LMNTD1: variants seen among roughly 807,000 people sequenced by gnomAD.
The protein encoded by LMNTD1 is lamin tail domain containing 1.
LMNTD1 carries 35 observed loss-of-function variants against 50.9 expected under a neutral mutation model. The observed-to-expected ratio is 0.69, with a 90% confidence interval of 0.53 to 0.91. The LOEUF (loss-of-function observed/expected upper bound fraction) is 0.91. LMNTD1 is among the 40% of genes least tolerant of loss of function. LMNTD1 has a pLI of 0.00. For synonymous variants in LMNTD1, 153 were observed against 161.9 expected (o/e 0.94, Z 0.42); for missense variants, 470 against 475.5 (o/e 0.99, Z 0.11).
intron 3 of LMNTD1, among the ~76,000 whole-genome samples, chr12:25,548,897 T>C (rs561674559): frequency 6.6e-6 from 1 of 152,138 alleles, no homozygotes; most frequent in Non-Finnish European, 1.5e-5. Context: ...CTTCTTTGTC[T>C]CATCTACCTG....
chr12:25,537,581 A>G (rs1942700124), intron 4 of LMNTD1, among the ~76,000 whole-genome samples: 1 of 152,034 alleles, frequency 6.6e-6, no homozygotes, highest in South Asian at 2.1e-4. Flanking sequence ...GTACATCACC[A>G]TCATCAAAGA....
intron 7 of LMNTD1, among the ~76,000 whole-genome samples, chr12:25,519,511 CG>C (rs1413299461): frequency 6.8e-6 from 1 of 147,620 alleles, no homozygotes; most frequent in Non-Finnish European, 1.5e-5. Flanking sequence ...TGGCGTGAAC[CG>C]GCAGGGCGGA....
At chr12:25,517,028 G>C (rs1940839725) in intron 8 of LMNTD1, among the ~76,000 whole-genome samples, 1 of 133,294 alleles carries the variant, frequency 7.5e-6, no homozygotes, top group African/African-American at 2.7e-5. Flanking sequence ...ACACCAGTTA[G>C]AATGGCAATC....
intron 1 of LMNTD1, among the ~76,000 whole-genome samples, chr12:25,578,100 C>T (rs1374952342): frequency 1.3e-5 from 2 of 152,166 alleles, no homozygotes; most frequent in Admixed American, 1.3e-4. Context: ...GGAAGCAGCT[C>T]ATTCATCTAA....
intron 1 of LMNTD1, among the ~76,000 whole-genome samples, chr12:25,628,331 A>G (rs1214067108): frequency 1.3e-5 from 2 of 152,038 alleles, no homozygotes; most frequent in Non-Finnish European, 2.9e-5. Flanking sequence ...TCATTCAACT[A>G]TATCCCAAAA....
At chr12:25,560,939 T>C (rs1944279214) in intron 1 of LMNTD1, among the ~76,000 whole-genome samples, 1 of 152,256 alleles carries the variant, frequency 6.6e-6, no homozygotes, top group African/African-American at 2.4e-5. Context: ...TGGCCTGAGA[T>C]GATGGGGTTT....
chr12:25,519,706 C>CAA (rs1383816328), intron 7 of LMNTD1, 152 bp downstream of exon 7: 8 of 581,980 alleles, frequency 1.4e-5, no homozygotes, highest in Middle Eastern at 4.6e-4. Flanking sequence ...TCGTGCTTTT[C>CAA]CTATGAGTTC....
intron 1 of LMNTD1, among the ~76,000 whole-genome samples, chr12:25,567,378 A>G (rs1317490926): frequency 2.0e-5 from 3 of 152,232 alleles, no homozygotes; most frequent in African/African-American, 7.2e-5. Flanking sequence ...CATACTCAAT[A>G]GTGAGTAAAT....
At chr12:25,484,238 A>G (rs1267087053) in intron 9 of LMNTD1, among the ~76,000 whole-genome samples, 1 of 151,982 alleles carries the variant, frequency 6.6e-6, no homozygotes, top group Non-Finnish European at 1.5e-5. Flanking sequence ...TTGCATGAAT[A>G]TGCTTCTTGA....
chr12:25,537,751 G>A (rs1168591096), intron 4 of LMNTD1, among the ~76,000 whole-genome samples: 1 of 152,190 alleles, frequency 6.6e-6, no homozygotes, highest in African/African-American at 2.4e-5. Context: ...GAGAGAAGAA[G>A]GCTTCAGATG....
intron 3 of LMNTD1, chr12:25,547,103 T>C (rs1196860489): frequency 7.0e-6 from 2 of 285,902 alleles, no homozygotes; most frequent in Non-Finnish European, 1.1e-5. Flanking sequence ...CAGTGTCCTA[T>C]TAGAAGTTTG....
intron 1 of LMNTD1, among the ~76,000 whole-genome samples, chr12:25,606,801 G>A (rs1054494158): frequency 1.3e-5 from 2 of 151,962 alleles, no homozygotes; most frequent in African/African-American, 2.4e-5. Context: ...CTCTTTTTTT[G>A]TTGTGTCTCT....
rs778399787 is a variant in LMNTD1 at position 25,519,999 on chromosome 12, C to T, written c.875G>A (p.Cys292Tyr). ...KLDADVEFNR[C>Y]SVVSPTFRKR... is the part of the protein sequence containing the mutation. Reference sequence around the variant, plus strand: ...TCGGAATGTTGGAGATACTACTGAACATCTGTTAAATTCAACGTCAGCATC... The same window carrying T: ...TCGGAATGTTGGAGATACTACTGAATATCTGTTAAATTCAACGTCAGCATC... The change falls in exon 7 of 10, where the codon TGT (cysteine) becomes TAT (tyrosine). Residue 292 changes from cysteine (C) to tyrosine (Y), a missense_variant. Cys to Tyr is a radical substitution (Grantham distance 194, BLOSUM62 -2). Coordinates refer to ENST00000458174, the MANE Select transcript of LMNTD1 (RefSeq NM_001145728.2). 1.3e-5 allele frequency: 21 copies of T among 1,613,710 alleles called. 1 individual carries two copies. In the South Asian group the frequency reaches 2.1e-4, roughly 16 times the overall value.
chr12:25,494,474 G>C (rs1938993537), intron 9 of LMNTD1, among the ~76,000 whole-genome samples: 1 of 152,006 alleles, frequency 6.6e-6, no homozygotes, highest in Non-Finnish European at 1.5e-5. Flanking sequence ...ACTATCGTTG[G>C]CCTACGAAAA....
At chr12:25,563,366 C>G (rs1944417560) in intron 1 of LMNTD1, among the ~76,000 whole-genome samples, 1 of 152,220 alleles carries the variant, frequency 6.6e-6, no homozygotes, top group Admixed American at 6.5e-5. Context: ...TTCTAACAGT[C>G]AGGACTCTCA....
At chr12:25,609,986 G>T (rs975738356) in intron 1 of LMNTD1, among the ~76,000 whole-genome samples, 2 of 152,200 alleles carry the variant, frequency 1.3e-5, no homozygotes, top group African/African-American at 4.8e-5. Flanking sequence ...TAGTTGAGCT[G>T]CAGTGGGCCC....
At chr12:25,513,865 A>C (rs1289474209) in intron 8 of LMNTD1, among the ~76,000 whole-genome samples, 1 of 152,228 alleles carries the variant, frequency 6.6e-6, no homozygotes, top group Non-Finnish European at 1.5e-5. Flanking sequence ...AACGATATAC[A>C]AGAATTTTAT....
At chr12:25,480,403 G>T (rs1481075849) in intron 9 of LMNTD1, among the ~76,000 whole-genome samples, 1 of 152,176 alleles carries the variant, frequency 6.6e-6, no homozygotes, top group Non-Finnish European at 1.5e-5. Context: ...CTTGCAGAAA[G>T]GTGTTCTGTG....
intron 1 of LMNTD1, among the ~76,000 whole-genome samples, chr12:25,629,417 G>A (rs571093175): frequency 6.6e-6 from 1 of 152,314 alleles, no homozygotes; most frequent in East Asian, 1.9e-4. Flanking sequence ...GATAAGTCAA[G>A]ACTACTGAGT....
Sources: allele counts gnomAD v4.1 joint callset (sites outside exome capture counted in the v4.1 genomes callset), GRCh38; gene constraint gnomAD v4.1.1; transcripts MANE v1.5; gene names NCBI Gene and HGNC (gene_info 2026-07-23, HGNC 2026-07-21).